TRPM3: variants seen among roughly 807,000 people sequenced by gnomAD.
TRPM3 encodes the protein long transient receptor potential channel 3.
A neutral mutation model predicts 181.2 loss-of-function variants in TRPM3; 77 were observed. That is an observed-to-expected ratio of 0.42 (90% CI 0.35 to 0.51). The LOEUF is 0.51. Ranked by LOEUF, TRPM3 falls within the 20% of genes least tolerant of loss-of-function variation. The pLI is 0.01. For missense variants in TRPM3, 1,759 were observed against 2,196.7 expected, an observed-to-expected ratio of 0.80 and a Z score of 3.98; for synonymous variants, 745 against 796.4, an observed-to-expected ratio of 0.94 and a Z score of 1.09.
At chr9:70,658,083 T>G (rs2060619978) in intron 9 of TRPM3, among the ~76,000 whole-genome samples, 1 of 152,186 alleles carries the variant, frequency 6.6e-6, no homozygotes, top group Non-Finnish European at 1.5e-5. Flanking sequence ...AAGTTATATC[T>G]TATGGTTAAG....
At chr9:70,988,262 C>A (rs1021490971) in intron 1 of TRPM3, among the ~76,000 whole-genome samples, 3 of 152,168 alleles carry the variant, frequency 2.0e-5, no homozygotes, top group Admixed American at 2.0e-4. Flanking sequence ...TGTTTGAGAA[C>A]CACAGATACA....
intron 1 of TRPM3, among the ~76,000 whole-genome samples, chr9:71,411,306 T>C (rs1001986601): frequency 6.6e-6 from 1 of 152,186 alleles, no homozygotes; most frequent in African/African-American, 2.4e-5. Context: ...AAAGAGGAAG[T>C]CAAATAGTCC....
At chr9:70,578,914 T>C (rs1417623255) in intron 22 of TRPM3, among the ~76,000 whole-genome samples, 4 of 152,212 alleles carry the variant, frequency 2.6e-5, no homozygotes, top group Non-Finnish European at 5.9e-5. Context: ...TACTGCTAGA[T>C]GTTAGTAGCG....
At chr9:70,976,310 T>C (rs554551382) in intron 1 of TRPM3, among the ~76,000 whole-genome samples, 2 of 152,284 alleles carry the variant, frequency 1.3e-5, no homozygotes, top group East Asian at 3.9e-4. Flanking sequence ...ACAGGGAAAC[T>C]CAACTTCTCC....
intron 1 of TRPM3, among the ~76,000 whole-genome samples, chr9:71,258,051 A>G (rs777484446): frequency 4.6e-5 from 7 of 152,236 alleles, no homozygotes; most frequent in Non-Finnish European, 8.8e-5. Context: ...AAAAAGTACC[A>G]GGATTTTATA....
intron 1 of TRPM3, among the ~76,000 whole-genome samples, chr9:71,155,539 G>C (rs2075956914): frequency 1.9e-5 from 1 of 53,896 alleles, no homozygotes; most frequent in Middle Eastern, 6.3e-3. Flanking sequence ...ATAATTAGTA[G>C]AGATGGGTTT....
In TRPM3 at chr9:70,532,058, T is replaced by C. The variant is rs2040953504; in HGVS notation, c.*3895A>G. ...ATACAACCACATGCTACAACTACGC[T>C]GGGTTAAACATGGGTTACATACATG... is the stretch of plus-strand genomic sequence containing the variant. On this transcript the variant is annotated 3_prime_UTR_variant, in exon 26 of 26. Transcript: ENST00000677713. 6.6e-6 allele frequency: 1 copy of C among 152,192 alleles called. No individual in the cohort carries two copies. The highest frequency in any genetic ancestry group is 6.5e-5 in the Admixed American group (1 of 15,272). 9.4% of individuals were successfully genotyped at this position (152,192 alleles called of 1,614,324 possible). A position where few individuals can be genotyped will look rare whatever the true frequency, so the allele number is the denominator to read the frequency against.
Position 71,232,819 on chromosome 9 carries a change from A to G in TRPM3, c.183+213834T>C, listed in dbSNP as rs2081144306. On this transcript the variant is annotated intron_variant, in intron 1 of 24. Coordinates refer to the TRPM3 transcript ENST00000357533. Reference sequence around the variant, plus strand: ...GACCAGTATTCATTCTGTAACTTGTATCCTTCTCCCTTACTGGTTCACACT... The same window carrying G: ...GACCAGTATTCATTCTGTAACTTGTGTCCTTCTCCCTTACTGGTTCACACT... 3.9e-5 allele frequency among the ~76,000 whole-genome samples: 6 copies of G among 152,156 alleles called. No homozygotes were observed. In the South Asian group the frequency reaches 1.2e-3, roughly 32 times the overall value.
chr9:70,659,158 A>G (rs1456539075), intron 9 of TRPM3, among the ~76,000 whole-genome samples: 1 of 152,154 alleles, frequency 6.6e-6, no homozygotes, highest in Non-Finnish European at 1.5e-5. Context: ...ACACAACTGG[A>G]GAACCTGGTT....
upstream of TRPM3, among the ~76,000 whole-genome samples, chr9:71,126,144 A>T (rs1037889288): frequency 6.6e-6 from 1 of 152,216 alleles, no homozygotes; most frequent in East Asian, 1.9e-4. Context: ...CTGAATAGTG[A>T]TAAATAGAAA....
At chr9:71,089,971 C>CA (rs2065926919) in intron 1 of TRPM3, among the ~76,000 whole-genome samples, 2 of 152,028 alleles carry the variant, frequency 1.3e-5, no homozygotes, top group Non-Finnish European at 2.9e-5. Context: ...AAAAGAATGG[C>CA]AAAAAAAGTA....
intron 1 of TRPM3, among the ~76,000 whole-genome samples, chr9:70,888,895 C>T (rs2096142604): frequency 6.6e-6 from 1 of 152,146 alleles, no homozygotes; most frequent in African/African-American, 2.4e-5. Context: ...CTCAAGTATT[C>T]TTCTAAAATG....
At chr9:70,916,591 CT>C (rs1191745119) in intron 1 of TRPM3, among the ~76,000 whole-genome samples, 1 of 152,024 alleles carries the variant, frequency 6.6e-6, no homozygotes. Flanking sequence ...GGTGGATAAG[CT>C]CAGAAACCAT....
At chr9:70,800,850 T>C (rs985805051) in intron 6 of TRPM3, among the ~76,000 whole-genome samples, 11 of 152,318 alleles carry the variant, frequency 7.2e-5, no homozygotes, top group Admixed American at 3.9e-4. Context: ...AATTTTTGAC[T>C]AACCCTCTAA....
At chr9:71,157,427 ATATTT>A (rs1370332573) in intron 1 of TRPM3, among the ~76,000 whole-genome samples, 3 of 152,168 alleles carry the variant, frequency 2.0e-5, no homozygotes, top group African/African-American at 7.2e-5. Flanking sequence ...TAGTTTCTAT[ATATTT>A]TATTAATCCT....
chr9:70,640,524 A>C, intron 10 of TRPM3, 36 bp downstream of exon 10: 6 of 1,580,550 alleles, frequency 3.8e-6, no homozygotes, highest in Non-Finnish European at 4.3e-6. Flanking sequence ...TGGCCAACCA[A>C]AGTGGGCTTT....
At chr9:70,583,615 A>G (rs2132400860) in intron 22 of TRPM3, among the ~76,000 whole-genome samples, 1 of 152,330 alleles carries the variant, frequency 6.6e-6, no homozygotes, top group East Asian at 1.9e-4. Flanking sequence ...AAGGTGATGA[A>G]TGATGCTTCT....
intron 1 of TRPM3, among the ~76,000 whole-genome samples, chr9:71,109,303 T>A (rs1287127042): frequency 1.3e-5 from 2 of 151,996 alleles, no homozygotes; most frequent in African/African-American, 4.8e-5. Flanking sequence ...GTTTGTTTTT[T>A]TTTTTCTGGA....
intron 1 of TRPM3, among the ~76,000 whole-genome samples, chr9:71,096,588 A>ACTCTCTCT (rs1256142555): frequency 1.3e-4 from 13 of 96,940 alleles, no homozygotes; most frequent in African/African-American, 6.0e-4. Flanking sequence ...ACACACACAC[A>ACTCTCTCT]CACTCTCTCT....
Sources: gnomAD v4.1 joint callset for allele counts (sites outside exome capture counted in the v4.1 genomes callset) on GRCh38, gnomAD v4.1.1 for gene constraint, MANE v1.5 for transcripts, NCBI Gene and HGNC (gene_info 2026-07-23, HGNC 2026-07-21) for gene names.